The following FBXW7 variants were observed in gnomAD, a reference collection of about 807,000 sequenced individuals.
The protein encoded by FBXW7 is F-box and WD repeat domain containing 7.
FBXW7 carries 11 observed loss-of-function variants against 86.3 expected under a neutral mutation model. The observed-to-expected ratio is 0.13, with a 90% confidence interval of 0.08 to 0.21. The LOEUF is 0.21. Ranked by LOEUF, FBXW7 falls within the 10% of genes least tolerant of loss-of-function variation. FBXW7 has a pLI of 1.00. For synonymous variants in FBXW7, 313 were observed against 297.9 expected (o/e 1.05, Z -0.52); for missense variants, 488 against 847.4 (o/e 0.58, Z 5.27).
intron 4 of FBXW7, among the ~76,000 whole-genome samples, chr4:152,350,759 GATAT>G (rs1304181296): frequency 6.6e-6 from 1 of 151,722 alleles, no homozygotes; most frequent in Admixed American, 6.6e-5. Flanking sequence ...GTTGTCAATT[GATAT>G]ATATACAGAA....
intron 4 of FBXW7, among the ~76,000 whole-genome samples, chr4:152,397,215 C>A (rs1426641931): frequency 6.6e-6 from 1 of 151,834 alleles, no homozygotes; most frequent in Non-Finnish European, 1.5e-5. Flanking sequence ...TATTTCTGCC[C>A]CCTGAAACAT....
intron 4 of FBXW7, among the ~76,000 whole-genome samples, chr4:152,358,112 T>A (rs1268619353): frequency 6.6e-6 from 1 of 152,178 alleles, no homozygotes; most frequent in Non-Finnish European, 1.5e-5. Context: ...AATTCATAAG[T>A]TTCCTCTCAA....
intron 11 of FBXW7, among the ~76,000 whole-genome samples, chr4:152,326,692 CA>C (rs1168834807): frequency 1.3e-5 from 2 of 151,816 alleles, no homozygotes; most frequent in East Asian, 3.9e-4. Flanking sequence ...TGCCATTTTC[CA>C]AAATTTCAAT....
chr4:152,513,421 C>A (rs1366220924), intron 2 of FBXW7, among the ~76,000 whole-genome samples: 1 of 152,096 alleles, frequency 6.6e-6, no homozygotes, highest in Non-Finnish European at 1.5e-5. Context: ...CCAGAGTACT[C>A]CACTCACAGA....
rs2126466896 is a variant in FBXW7 at position 152,323,159 on chromosome 4, A to G, written c.1856-10T>C. On this transcript the variant is annotated splice_polypyrimidine_tract_variant and intron_variant, in intron 13 of 13. Coordinates refer to ENST00000281708, the MANE Select transcript of FBXW7 (RefSeq NM_001349798.2). ...TGATGCTTGTTGGGACCTAGACAAA[A>G]ACCAAAAGAATTTAATTACTGGTTA... 6.2e-7 allele frequency: 1 copy of G among 1,608,932 alleles called. No homozygotes were observed. The highest frequency in any genetic ancestry group is 1.7e-5 in the Admixed American group (1 of 59,702).
At chr4:152,477,817 C>G (rs1354736124) in intron 2 of FBXW7, among the ~76,000 whole-genome samples, 1 of 151,914 alleles carries the variant, frequency 6.6e-6, no homozygotes, top group East Asian at 1.9e-4. Flanking sequence ...TTTTAATCTG[C>G]AAATTTAAAT....
intron 4 of FBXW7, among the ~76,000 whole-genome samples, chr4:152,387,625 C>A (rs9307892): frequency 0.021 from 1,999 of 93,812 alleles, 13 homozygotes; most frequent in African/African-American, 0.034. Context: ...AAAAAAAAAA[C>A]ATCCAGCAAG....
chr4:152,526,632 T>C (rs1050340753), intron 2 of FBXW7, among the ~76,000 whole-genome samples: 1 of 152,242 alleles, frequency 6.6e-6, no homozygotes, highest in African/African-American at 2.4e-5. Context: ...AACTTCTTAA[T>C]GATTTTTTAA....
At chr4:152,509,190 T>C (rs970736643) in intron 2 of FBXW7, among the ~76,000 whole-genome samples, 2 of 152,160 alleles carry the variant, frequency 1.3e-5, no homozygotes, top group Admixed American at 6.5e-5. Context: ...AGAAAGGCCA[T>C]TGGTGAGAAA....
intron 2 of FBXW7, among the ~76,000 whole-genome samples, chr4:152,488,603 A>G (rs1307124213): frequency 6.6e-6 from 1 of 152,094 alleles, no homozygotes; most frequent in Non-Finnish European, 1.5e-5. Context: ...TACTTTAATA[A>G]CTAAAACACT....
At chr4:152,447,756 A>G (rs1741536478) in intron 2 of FBXW7, among the ~76,000 whole-genome samples, 1 of 152,210 alleles carries the variant, frequency 6.6e-6, no homozygotes, top group Non-Finnish European at 1.5e-5. Flanking sequence ...AGACCAAAAA[A>G]GGATGCAAAA....
At position 152,343,774 on chromosome 4, in the gene FBXW7, T is replaced by C. The variant is rs1428986555; in HGVS notation, c.726+3156A>G. Among the ~76,000 whole-genome samples the C allele has an allele frequency of 3.3e-5, 5 of 152,204 alleles. No homozygotes were observed. The South Asian group carries it at 8.3e-4, about 25-fold the overall frequency. ...AACTGAAGCATCAATCTGACTGCCA[T>C]ACAAAGTGGATCAATGGCTACTGAA... On this transcript the variant is annotated intron_variant, in intron 6 of 13. Coordinates refer to ENST00000281708, the MANE Select transcript of FBXW7 (RefSeq NM_001349798.2).
intron 2 of FBXW7, among the ~76,000 whole-genome samples, chr4:152,497,061 G>A (rs970342056): frequency 1.3e-5 from 2 of 152,040 alleles, no homozygotes; most frequent in Admixed American, 1.3e-4. Flanking sequence ...AATGGCTCAC[G>A]CCTGTCATCC....
intron 4 of FBXW7, among the ~76,000 whole-genome samples, chr4:152,364,635 C>A (rs972397433): frequency 1.1e-4 from 16 of 152,154 alleles, no homozygotes; most frequent in African/African-American, 3.4e-4. Flanking sequence ...CATCTGAATA[C>A]ATAGAGCACA....
At position 152,414,603 on chromosome 4, in the gene FBXW7, T is replaced by A. The variant is rs376978959; in HGVS notation, c.-119-2074A>T. 9.0e-4 allele frequency among the ~76,000 whole-genome samples: 137 copies of A among 152,306 alleles called. 1 individual carries two copies. The highest frequency in any genetic ancestry group is 3.2e-3 in the African/African-American group (133 of 41,582). On this transcript the variant is annotated intron_variant, in intron 2 of 13. Coordinates refer to ENST00000281708, the MANE Select transcript of FBXW7 (RefSeq NM_001349798.2). ...TCCATTATAGATATTAATCAATAAA[T>A]GTTTCAAATAAATTGAAAGTTCAGA...
chr4:152,362,032 C>T (rs1733009656), intron 4 of FBXW7, among the ~76,000 whole-genome samples: 1 of 149,560 alleles, frequency 6.7e-6, no homozygotes. Context: ...AAGCTTATCA[C>T]ATTTAATACA....
At chr4:152,365,504 T>A (rs890598901) in intron 4 of FBXW7, among the ~76,000 whole-genome samples, 4 of 151,660 alleles carry the variant, frequency 2.6e-5, no homozygotes, top group African/African-American at 9.7e-5. Context: ...TGCATAGGAG[T>A]GGGCAGTTAA....
At chr4:152,491,439 G>C (rs1355819629) in intron 2 of FBXW7, among the ~76,000 whole-genome samples, 1 of 152,108 alleles carries the variant, frequency 6.6e-6, no homozygotes, top group South Asian at 2.1e-4. Context: ...TCATAATTAA[G>C]ATAAAAGCTA....
At chr4:152,413,408 G>A (rs1012331350) in intron 2 of FBXW7, among the ~76,000 whole-genome samples, 9 of 152,100 alleles carry the variant, frequency 5.9e-5, no homozygotes, top group African/African-American at 2.2e-4. Flanking sequence ...AATGATTCAA[G>A]GTCAGGAAGA....
Sources: allele counts gnomAD v4.1 joint callset (sites outside exome capture counted in the v4.1 genomes callset), GRCh38; gene constraint gnomAD v4.1.1; transcripts MANE v1.5; gene names NCBI Gene and HGNC (gene_info 2026-07-23, HGNC 2026-07-21).